Variants in CNTN4 observed in about 807,000 individuals in gnomAD.
CNTN4 encodes the protein contactin 4, also known as contactin-4.
In CNTN4, 77 loss-of-function variants were observed where a neutral mutation model predicts 122.5. The observed-to-expected ratio is 0.63, with a 90% CI of 0.52 to 0.76. The LOEUF (loss-of-function observed/expected upper bound fraction) is 0.76, where lower values mean the gene tolerates loss of function less well. CNTN4 is among the 30% of genes least tolerant of loss of function. The pLI is 0.00. For missense variants in CNTN4, 1,256 were observed against 1,259.1 expected (o/e 1.00, Z 0.04); for synonymous variants, 512 against 447.0 (o/e 1.15, Z -1.83).
intron 2 of CNTN4, among the ~76,000 whole-genome samples, chr3:2,184,896 A>G (rs1401977662): frequency 6.6e-6 from 1 of 152,210 alleles, no homozygotes; most frequent in African/African-American, 2.4e-5. Context: ...ATGGACAAAG[A>G]TACTGGCCCT....
intron 4 of CNTN4, among the ~76,000 whole-genome samples, chr3:2,617,419 C>CTTTTTTTTTTTTTTTTTTTTTTTGT (rs71058631): frequency 9.2e-6 from 1 of 108,528 alleles, no homozygotes; most frequent in African/African-American, 3.6e-5. Context: ...AGAGAAATGC[C>CTTTTTTTTTTTTTTTTTTTTTTTGT]TTTTTTTTTT....
At chr3:2,232,056 A>G (rs1167873271) in intron 2 of CNTN4, among the ~76,000 whole-genome samples, 2 of 152,136 alleles carry the variant, frequency 1.3e-5, no homozygotes, top group Non-Finnish European at 2.9e-5. Context: ...GCACACATGT[A>G]CTTTTCTTAA....
chr3:2,148,418 C>T (rs1378665064), intron 2 of CNTN4, among the ~76,000 whole-genome samples: 3 of 151,602 alleles, frequency 2.0e-5, no homozygotes, highest in Admixed American at 2.0e-4. Flanking sequence ...GCCTGTAGTC[C>T]CAGCTACTCA....
At chr3:2,318,085 G>A (rs1022709523) in intron 2 of CNTN4, among the ~76,000 whole-genome samples, 3 of 152,010 alleles carry the variant, frequency 2.0e-5, no homozygotes, top group Non-Finnish European at 2.9e-5. Flanking sequence ...TGTGGTTCTC[G>A]CCTGTAGTTC....
At chr3:2,625,733 C>A (rs900966226) in intron 4 of CNTN4, among the ~76,000 whole-genome samples, 9 of 152,130 alleles carry the variant, frequency 5.9e-5, no homozygotes, top group African/African-American at 2.2e-4. Context: ...TATCCACTTA[C>A]TATTGATATC....
intron 3 of CNTN4, among the ~76,000 whole-genome samples, chr3:2,497,529 C>T (rs149469211): frequency 4.3e-4 from 65 of 152,190 alleles, no homozygotes; most frequent in African/African-American, 1.5e-3. Context: ...GAGACCTAAG[C>T]GATCTTCAGT....
intron 3 of CNTN4, among the ~76,000 whole-genome samples, chr3:2,489,140 T>G (rs968527454): frequency 6.6e-6 from 1 of 152,198 alleles, no homozygotes; most frequent in Non-Finnish European, 1.5e-5. Flanking sequence ...TGGTGCACTA[T>G]TGAAATCACT....
intron 4 of CNTN4, among the ~76,000 whole-genome samples, chr3:2,637,776 T>C (rs1209330430): frequency 1.3e-5 from 2 of 152,194 alleles, no homozygotes; most frequent in African/African-American, 4.8e-5. Flanking sequence ...TCCCTCTAGA[T>C]CTGTCATCTA....
intron 12 of CNTN4, among the ~76,000 whole-genome samples, chr3:2,909,324 G>A (rs1470959550): frequency 6.6e-6 from 1 of 152,128 alleles, no homozygotes; most frequent in African/African-American, 2.4e-5. Context: ...ACCAGTAGTA[G>A]GAGGATGTCA....
intron 6 of CNTN4, among the ~76,000 whole-genome samples, chr3:2,779,469 G>A (rs956633234): frequency 6.6e-6 from 1 of 152,182 alleles, no homozygotes; most frequent in African/African-American, 2.4e-5. Context: ...AAAGTGCTGG[G>A]ATTACAGGCA....
intron 3 of CNTN4, among the ~76,000 whole-genome samples, chr3:2,565,788 G>C (rs2079132591): frequency 6.6e-6 from 1 of 152,050 alleles, no homozygotes; most frequent in Non-Finnish European, 1.5e-5. Flanking sequence ...TTTCATTTCT[G>C]TTTCCCGCTT....
intron 7 of CNTN4, among the ~76,000 whole-genome samples, chr3:2,854,214 G>A (rs1559583301): frequency 6.6e-6 from 1 of 151,702 alleles, no homozygotes; most frequent in Non-Finnish European, 1.5e-5. Flanking sequence ...AGGGAAGCGG[G>A]GAAAAGCATC....
At chr3:2,866,644 T>G (rs1271397108) in intron 7 of CNTN4, 108 bp from the exon 8 acceptor site, 2 of 1,255,484 alleles carry the variant, frequency 1.6e-6, no homozygotes, top group Non-Finnish European at 2.3e-6. Flanking sequence ...TGAAAAAGAG[T>G]CATTGGACAA....
At chr3:2,286,246 C>A (rs2041899815) in intron 2 of CNTN4, among the ~76,000 whole-genome samples, 1 of 135,110 alleles carries the variant, frequency 7.4e-6, no homozygotes, top group Non-Finnish European at 1.6e-5. Flanking sequence ...GCCCCCCCCA[C>A]AACATACACA....
chr3:2,531,958 C>G (rs1409529856), intron 3 of CNTN4, among the ~76,000 whole-genome samples: 2 of 152,176 alleles, frequency 1.3e-5, no homozygotes, highest in Non-Finnish European at 2.9e-5. Flanking sequence ...TTTAGAATTA[C>G]AACTGAGCCA....
At chr3:3,037,845 G>A (rs568582614) in intron 18 of CNTN4, among the ~76,000 whole-genome samples, 7 of 152,296 alleles carry the variant, frequency 4.6e-5, no homozygotes, top group African/African-American at 7.2e-5. Flanking sequence ...GTGCTCATTC[G>A]AACAAGACCA....
At chr3:2,100,369 A>T (rs989380788) in intron 1 of CNTN4, among the ~76,000 whole-genome samples, 189 bp from the exon 2 acceptor site, 1 of 152,136 alleles carries the variant, frequency 6.6e-6, no homozygotes. Flanking sequence ...AGTCGTTTGG[A>T]TACCCACACA....
intron 14 of CNTN4, among the ~76,000 whole-genome samples, chr3:3,017,698 T>C (rs2125564947): frequency 6.6e-6 from 1 of 152,342 alleles, no homozygotes; most frequent in East Asian, 1.9e-4. Context: ...CTGCACATTT[T>C]TCACATAACC....
chr3:2,563,367 C>T (rs1326374245), intron 3 of CNTN4, among the ~76,000 whole-genome samples: 1 of 151,994 alleles, frequency 6.6e-6, no homozygotes, highest in Non-Finnish European at 1.5e-5. Context: ...TTAGTTAACC[C>T]ATAAAATTAA....
Sources: gnomAD v4.1 joint callset for allele counts (sites outside exome capture counted in the v4.1 genomes callset) on GRCh38, gnomAD v4.1.1 for gene constraint, MANE v1.5 for transcripts, NCBI Gene and HGNC (gene_info 2026-07-23, HGNC 2026-07-21) for gene names.